The following PYHIN1 variants were observed in gnomAD, a reference collection of about 807,000 sequenced individuals.
PYHIN1 encodes pyrin and HIN domain-containing protein 1.
Under a neutral mutation model 43.7 loss-of-function variants are expected in PYHIN1, and 32 were observed. The ratio of observed to expected loss-of-function variants is 0.73; its 90% CI spans 0.55 to 0.98. The LOEUF is 0.98. PYHIN1 is among the 50% of genes least tolerant of loss of function. PYHIN1 has a pLI of 0.00. For synonymous variants in PYHIN1, 205 were observed against 203.1 expected (o/e 1.01, Z -0.08); for missense variants, 588 against 589.5 (o/e 1.00, Z 0.03).
intron 7 of PYHIN1, among the ~76,000 whole-genome samples, chr1:158,956,162 T>C (rs1163224749): frequency 7.0e-6 from 1 of 143,728 alleles, no homozygotes; most frequent in Non-Finnish European, 1.5e-5. Flanking sequence ...ACAGCTGAAT[T>C]CTACCAGAGG....
At chr1:158,948,195 T>G (rs960365572) in intron 7 of PYHIN1, among the ~76,000 whole-genome samples, 1 of 152,230 alleles carries the variant, frequency 6.6e-6, no homozygotes, top group Non-Finnish European at 1.5e-5. Flanking sequence ...AAGATAATCA[T>G]GAATATAATT....
chr1:158,941,285 A>G (rs1320099233), intron 4 of PYHIN1, among the ~76,000 whole-genome samples: 2 of 152,164 alleles, frequency 1.3e-5, no homozygotes, highest in Non-Finnish European at 2.9e-5. Flanking sequence ...TAGAGAAAGG[A>G]TATTAAAGAC....
intron 8 of PYHIN1, among the ~76,000 whole-genome samples, chr1:158,974,935 C>A (rs1651166021): frequency 6.6e-6 from 1 of 151,942 alleles, no homozygotes; most frequent in African/African-American, 2.4e-5. Flanking sequence ...CTTATTTTTC[C>A]TGCATTTTGG....
chr1:158,949,793 T>G (rs547040423), intron 7 of PYHIN1, among the ~76,000 whole-genome samples: 2 of 152,246 alleles, frequency 1.3e-5, no homozygotes, highest in East Asian at 3.9e-4. Flanking sequence ...TGTTGGACAT[T>G]TGGGTTGGTT....
chr1:158,934,892 G>A (rs1648423269), intron 1 of PYHIN1, among the ~76,000 whole-genome samples: 1 of 152,036 alleles, frequency 6.6e-6, no homozygotes. Context: ...ACCATGCCTG[G>A]CTAACTTTTG....
At chr1:158,954,583 A>G (rs1255879411) in intron 7 of PYHIN1, among the ~76,000 whole-genome samples, 1 of 151,888 alleles carries the variant, frequency 6.6e-6, no homozygotes, top group Non-Finnish European at 1.5e-5. Context: ...GCCTGCCTTA[A>G]AAGAGCTCCT....
chr1:158,962,382 T>C (rs1222678382), intron 7 of PYHIN1, among the ~76,000 whole-genome samples: 1 of 152,140 alleles, frequency 6.6e-6, no homozygotes, highest in Admixed American at 6.5e-5. Flanking sequence ...TTCTGAAGGA[T>C]GGGCAGTGAT....
chr1:158,981,107 G>C (rs755231878), downstream of PYHIN1, among the ~76,000 whole-genome samples: 1 of 152,102 alleles, frequency 6.6e-6, no homozygotes, highest in Non-Finnish European at 1.5e-5. Context: ...TTATGGCTCC[G>C]TAGTGTACCA....
chr1:158,945,097 C>G, intron 7 of PYHIN1, 55 bp downstream of exon 7: 1 of 1,501,858 alleles, frequency 6.7e-7, no homozygotes, highest in Non-Finnish European at 9.0e-7. Context: ...TTACAAGGAT[C>G]ATTAGATTGT....
the PYHIN1 span, among the ~76,000 whole-genome samples, chr1:158,986,600 C>CA: frequency 6.6e-6 from 1 of 152,164 alleles, no homozygotes; most frequent in East Asian, 1.9e-4. Flanking sequence ...AAAGTTGGTG[C>CA]AGCGAGGCAG....
At position 158,961,376 on chromosome 1, in the gene PYHIN1, T is replaced by C. The variant is rs533952992; in HGVS notation, c.1360-12271T>C. On this transcript the variant is annotated intron_variant, in intron 7 of 8. Coordinates refer to ENST00000368140, the MANE Select transcript of PYHIN1 (RefSeq NM_152501.5). ...TTCATATTTCTAAATACTGAGGAAA[T>C]GAGAGGTTAAATCTTCATTTAAGAT... Among the ~76,000 whole-genome samples the C allele has an allele frequency of 5.3e-5, 8 of 152,084 alleles. No individual in the cohort carries two copies. The East Asian group carries it at 9.7e-4, about 18-fold the overall frequency.
At chr1:158,975,624 C>A (rs1270732633) in intron 8 of PYHIN1, among the ~76,000 whole-genome samples, 1 of 152,120 alleles carries the variant, frequency 6.6e-6, no homozygotes, top group African/African-American at 2.4e-5. Flanking sequence ...ATTGCATTTA[C>A]TCTTCAATAC....
At chr1:158,957,959 A>G (rs1650056038) in intron 7 of PYHIN1, among the ~76,000 whole-genome samples, 1 of 152,170 alleles carries the variant, frequency 6.6e-6, no homozygotes, top group Non-Finnish European at 1.5e-5. Context: ...ATGAACAGAC[A>G]CTTCTCAAAA....
chr1:158,947,940 C>G (rs947846233), intron 7 of PYHIN1, among the ~76,000 whole-genome samples: 3 of 152,230 alleles, frequency 2.0e-5, no homozygotes, highest in Non-Finnish European at 4.4e-5. Flanking sequence ...TGCTTTCAGC[C>G]ATAGCCCTAT....
At position 158,939,084 on chromosome 1, in the gene PYHIN1, G is replaced by GA. The variant is rs758393003; in HGVS notation, c.423dup (p.Pro142ThrfsTer3). On this transcript the variant is annotated frameshift_variant, in exon 4 of 9. Transcript: ENST00000368140. LOFTEE classifies it high-confidence loss of function. ...AGAAAAATAAACTACTTGTAGAAAA[G>GA]AAAAAAACCATCTGAAGAAGAGACT... is the stretch of plus-strand genomic sequence containing the variant. The GA allele has an allele frequency of 1.9e-6, 3 of 1,578,742 alleles. No homozygotes were observed. The highest frequency in any genetic ancestry group is 2.0e-5 in the Admixed American group (1 of 49,474).
chr1:158,971,050 A>G (rs1315460329), intron 7 of PYHIN1, among the ~76,000 whole-genome samples: 1 of 151,956 alleles, frequency 6.6e-6, no homozygotes, highest in African/African-American at 2.4e-5. Context: ...AATATCTGTA[A>G]TATATCAATA....
At chr1:158,935,058 A>T (rs1648439282) in intron 1 of PYHIN1, among the ~76,000 whole-genome samples, 1 of 152,196 alleles carries the variant, frequency 6.6e-6, no homozygotes, top group South Asian at 2.1e-4. Flanking sequence ...CATGTGCTAA[A>T]GTGCACTGGT....
chr1:158,955,138 C>A (rs976810458), intron 7 of PYHIN1, among the ~76,000 whole-genome samples: 2 of 151,906 alleles, frequency 1.3e-5, no homozygotes, highest in African/African-American at 4.9e-5. Context: ...CTTAGACTCC[C>A]ACACATTAAA....
intron 7 of PYHIN1, among the ~76,000 whole-genome samples, chr1:158,956,473 C>G (rs1571757524): frequency 6.6e-6 from 1 of 150,794 alleles, no homozygotes; most frequent in Non-Finnish European, 1.5e-5. Flanking sequence ...AAATGTAATC[C>G]AGCATATAAA....
Sources: gnomAD v4.1 joint callset for allele counts (sites outside exome capture counted in the v4.1 genomes callset) on GRCh38, gnomAD v4.1.1 for gene constraint, MANE v1.5 for transcripts, NCBI Gene and HGNC (gene_info 2026-07-23, HGNC 2026-07-21) for gene names.